Variants in COLEC10 observed in about 807,000 individuals in gnomAD.
The protein encoded by COLEC10 is collectin-10.
A neutral mutation model predicts 28.4 loss-of-function variants in COLEC10; 22 were observed. The observed-to-expected ratio is 0.78, with a 90% CI of 0.55 to 1.11. The LOEUF (loss-of-function observed/expected upper bound fraction) is 1.11. Ranked by LOEUF, COLEC10 falls within the 50% of genes least tolerant of loss-of-function variation. The probability of loss-of-function intolerance (pLI) is 0.00; values close to 1 mark genes in which losing one functional copy is unlikely to be tolerated. For missense variants in COLEC10, 361 were observed against 344.1 expected (o/e 1.05, Z -0.39); for synonymous variants, 125 against 116.1 (o/e 1.08, Z -0.49).
At chr8:118,998,422 C>G (rs1717887370) in intron 1 of COLEC10, among the ~76,000 whole-genome samples, 1 of 152,094 alleles carries the variant, frequency 6.6e-6, no homozygotes. Context: ...AGCCATGAAA[C>G]CATCACCTTG....
At chr8:119,059,863 A>AC (rs1814823766) in intron 2 of COLEC10, among the ~76,000 whole-genome samples, 1 of 152,040 alleles carries the variant, frequency 6.6e-6, no homozygotes, top group African/African-American at 2.4e-5. Context: ...TTGCAAATGT[A>AC]CCCCATAATT....
chr8:118,997,146 C>A (rs4618726), intron 1 of COLEC10, among the ~76,000 whole-genome samples: 99,252 of 152,032 alleles, frequency 0.65, 33,772 homozygotes, highest in African/African-American at 0.85. Flanking sequence ...TTTTGTTTTC[C>A]TCAGCTTTTG....
intron 1 of COLEC10, among the ~76,000 whole-genome samples, chr8:119,073,059 C>G (rs1331786267): frequency 3.3e-5 from 5 of 152,204 alleles, no homozygotes; most frequent in Non-Finnish European, 7.3e-5. Flanking sequence ...CATACTCAAA[C>G]TGGAAGTCTT....
rs201886516 is a variant in COLEC10 at position 119,023,366 on chromosome 8, TTATACAGA to T, written n.235+13817_235+13824del. On this transcript the variant is annotated intron_variant and non_coding_transcript_variant, in intron 2 of 6. Transcript: ENST00000521788. ...TAGAATAATAAATGTATGGTATCCC[TTATACAGA>T]TATTTTTGAGAGTGACAATTTCAAG... is the stretch of plus-strand genomic sequence containing the variant. Among the ~76,000 whole-genome samples the T allele has an allele frequency of 2.1e-4, 32 of 152,296 alleles. No individual in the cohort carries two copies. In the East Asian group the frequency reaches 4.2e-3, roughly 20 times the overall value.
chr8:119,080,764 T>TC, intron 1 of COLEC10, among the ~76,000 whole-genome samples: 1 of 152,068 alleles, frequency 6.6e-6, no homozygotes, highest in East Asian at 1.9e-4. Flanking sequence ...AACCCTCTTC[T>TC]CCCCCGTAGA....
chr8:119,065,913 T>A (rs1814946756), upstream of COLEC10, among the ~76,000 whole-genome samples: 1 of 151,648 alleles, frequency 6.6e-6, no homozygotes, highest in Non-Finnish European at 1.5e-5. Context: ...GCCTGAATCA[T>A]CCTGAAAGTA....
chr8:119,002,131 T>A (rs984906207), intron 1 of COLEC10, among the ~76,000 whole-genome samples: 24 of 152,212 alleles, frequency 1.6e-4, no homozygotes, highest in African/African-American at 5.8e-4. Flanking sequence ...CTCAATTACA[T>A]ATTTGCCATA....
In COLEC10 at chr8:119,077,243, A is replaced by ATTTTTT. The variant is rs762180766; in HGVS notation, c.148+9833_148+9838dup. On this transcript the variant is annotated intron_variant, in intron 1 of 5. Transcript: ENST00000332843. ...TTTTGATTAGCCTGGGTAGAGAATG[A>ATTTTTT]TTTTTTTTTTTTTTTTTTTTTTTTG... is the stretch of plus-strand genomic sequence containing the variant. Among the ~76,000 whole-genome samples the ATTTTTT allele has an allele frequency of 4.1e-3, 368 of 90,212 alleles. 23 individuals are homozygous for ATTTTTT. The highest frequency in any genetic ancestry group is 7.2e-3 in the Middle Eastern group (1 of 138). 59.2% of individuals were successfully genotyped at this position (90,212 alleles called of 152,430 possible). A position where few individuals can be genotyped will look rare whatever the true frequency, so the allele number is the denominator to read the frequency against.
At chr8:119,074,156 G>A (rs1309711279) in intron 1 of COLEC10, among the ~76,000 whole-genome samples, 1 of 152,002 alleles carries the variant, frequency 6.6e-6, no homozygotes, top group African/African-American at 2.4e-5. Context: ...AGGAAGGGGA[G>A]TGGGGGGACC....
At chr8:119,023,015 CA>C (rs545023775) in intron 2 of COLEC10, among the ~76,000 whole-genome samples, 58 of 152,260 alleles carry the variant, frequency 3.8e-4, no homozygotes, top group African/African-American at 1.3e-3. Context: ...CCACTGGAAG[CA>C]ACTGTGGTAA....
At chr8:119,000,434 C>T (rs1272801711) in intron 1 of COLEC10, among the ~76,000 whole-genome samples, 1 of 152,082 alleles carries the variant, frequency 6.6e-6, no homozygotes, top group African/African-American at 2.4e-5. Flanking sequence ...TCCTACCATC[C>T]TGGAGCCTCT....
chr8:118,995,636 G>A (rs2130048034), intron 1 of COLEC10: 1 of 152,272 alleles, frequency 6.6e-6, no homozygotes, highest in East Asian at 1.9e-4. Flanking sequence ...TTTTCTACCA[G>A]AGTCTTAGCA....
At chr8:119,102,232 CTCCCTCCCTCCT>C (rs1815845140) in intron 3 of COLEC10, 104 bp from the exon 4 acceptor site, 15 of 272,806 alleles carry the variant, frequency 5.5e-5, no homozygotes, top group South Asian at 4.2e-4. Context: ...CCCTCCCTCC[CTCCCTCCCTCCT>C]TCCTTCTTTT....
chr8:119,091,595 G>GAGAGAAAGAA (rs1250359009), intron 3 of COLEC10, among the ~76,000 whole-genome samples: 44 of 138,566 alleles, frequency 3.2e-4, no homozygotes, highest in East Asian at 1.6e-3. Flanking sequence ...GAGAGAGAGA[G>GAGAGAAAGAA]AGAAAGAAAG....
chr8:119,105,387 GAGT>G (rs1454550277), intron 5 of COLEC10, among the ~76,000 whole-genome samples: 12 of 152,170 alleles, frequency 7.9e-5, no homozygotes, highest in Admixed American at 1.3e-4. Flanking sequence ...CTAAAGGGAT[GAGT>G]AGAAGTTTAC....
intron 1 of COLEC10, among the ~76,000 whole-genome samples, chr8:119,004,795 T>G (rs917438618): frequency 4.0e-5 from 6 of 151,836 alleles, no homozygotes; most frequent in African/African-American, 1.4e-4. Context: ...TTTCTTATAC[T>G]TTTGCTTTCA....
intron 1 of COLEC10, among the ~76,000 whole-genome samples, chr8:119,069,780 G>T (rs1815066103): frequency 6.6e-6 from 1 of 150,860 alleles, no homozygotes; most frequent in Admixed American, 6.6e-5. Flanking sequence ...TAGTATGATG[G>T]TTAAGTAAGT....
At chr8:119,021,033 T>C (rs969432712) in intron 2 of COLEC10, among the ~76,000 whole-genome samples, 3 of 152,162 alleles carry the variant, frequency 2.0e-5, no homozygotes, top group African/African-American at 7.2e-5. Flanking sequence ...GAAATTGATG[T>C]CAGTTATTAT....
chr8:119,022,879 C>A (rs552260114), intron 2 of COLEC10, among the ~76,000 whole-genome samples: 2 of 152,128 alleles, frequency 1.3e-5, no homozygotes, highest in African/African-American at 4.8e-5. Flanking sequence ...CCCTCCATAC[C>A]CCAGTTTTCC....
Sources: gnomAD v4.1 joint callset for allele counts (sites outside exome capture counted in the v4.1 genomes callset) on GRCh38, gnomAD v4.1.1 for gene constraint, MANE v1.5 for transcripts, NCBI Gene and HGNC (gene_info 2026-07-23, HGNC 2026-07-21) for gene names.